NOL12: variants seen among roughly 807,000 people sequenced by gnomAD.
The protein encoded by NOL12 is nucleolar protein 12.
NOL12 carries 21 observed loss-of-function variants against 25.2 expected under a neutral mutation model. The ratio of observed to expected loss-of-function variants is 0.83; its 90% CI spans 0.59 to 1.20. The LOEUF (loss-of-function observed/expected upper bound fraction) is 1.20, where lower values mean the gene tolerates loss of function less well. NOL12 is among the 50% of genes most tolerant of loss of function. The probability of loss-of-function intolerance (pLI) is 0.00; values close to 1 mark genes in which losing one functional copy is unlikely to be tolerated. For missense variants in NOL12, 286 were observed against 287.6 expected, an observed-to-expected ratio of 0.99 and a Z score of 0.04; for synonymous variants, 133 against 113.8, an observed-to-expected ratio of 1.17 and a Z score of -1.08.
intron 5 of NOL12, 39 bp downstream of exon 5, chr22:37,690,833 C>T (rs1296906646): frequency 6.7e-6 from 10 of 1,485,910 alleles, no homozygotes; most frequent in African/African-American, 1.4e-5. Flanking sequence ...CCCACCCCTC[C>T]TGGCTGGCAG....
Position 37,688,936 on chromosome 22 carries a change from A to G in NOL12, c.325A>G (p.Thr109Ala). 6.2e-7 allele frequency: 1 copy of G among 1,613,620 alleles called. No individual in the cohort carries two copies. The highest frequency in any genetic ancestry group is 8.5e-7 in the Non-Finnish European group (1 of 1,179,922). Residue 109 changes from threonine (T) to alanine (A), a missense_variant, in exon 4 of 6, where the codon ACC becomes GCC. Transcript: ENST00000359114. ...CCCCAACCACACAGTCACCGTGACC[A>G]CCATCAGTGACCTGGACCTCTCGGG... ...DHPNHTVTVTTISDLDLSGAR... is the reference protein window; with the variant it reads ...DHPNHTVTVTAISDLDLSGAR...
chr22:37,691,617 C>CACTCATCGGATTTGTGGA lies in NOL12; in HGVS notation c.*288_*289insGGATTTGTGGAACTCATC, dbSNP rs1922069147. ...CTTCCCAAATGTGCACCCCACCTGG[C>CACTCATCGGATTTGTGGA]ACTCATCAGATTTGTGCGCTTGTGA... On this transcript the variant is annotated 3_prime_UTR_variant, in exon 6 of 6. Transcript: ENST00000359114. 2.6e-6 allele frequency: 1 copy of CACTCATCGGATTTGTGGA among 379,022 alleles called. No individual in the cohort carries two copies. The highest frequency in any genetic ancestry group is 4.7e-6 in the Non-Finnish European group (1 of 212,280). The allele number at this position is 379,022 out of a possible 1,614,324, so 23.5% of individuals were successfully genotyped here.
chr22:37,690,039 G>C (rs5756766), intron 4 of NOL12, among the ~76,000 whole-genome samples: 117,179 of 152,192 alleles, frequency 0.77, 45,229 homozygotes, highest in East Asian at 0.84. Flanking sequence ...GGTGTGGTGG[G>C]ACATGCCTGT....
intron 1 of NOL12, 163 bp from the exon 2 acceptor site, chr22:37,687,747 C>G (rs1048732614): frequency 3.3e-5 from 18 of 545,396 alleles, no homozygotes; most frequent in Admixed American, 2.1e-4. Flanking sequence ...CGTGAGCCAC[C>G]ATGCCTGGCC....
rs563004055 is a variant in NOL12, at chr22:37,688,083, A to G, written c.189+68A>G. The G allele has an allele frequency of 4.4e-6, 6 of 1,374,946 alleles. No individual in the cohort carries two copies. The East Asian group carries it at 1.2e-4, about 29-fold the overall frequency. 85.2% of individuals were successfully genotyped at this position (1,374,946 alleles called of 1,614,324 possible). On this transcript the variant is annotated intron_variant, in intron 2 of 5. Transcript: ENST00000359114. ...GCACTTGCAGCCTTGGATTTCCCTA[A>G]TAGAGGCAGCTGCTGGCATGGGGCG...
chr22:37,687,189 C>T, intron 1 of NOL12: 1 of 682,478 alleles, frequency 1.5e-6, no homozygotes, highest in Non-Finnish European at 1.8e-6. Context: ...GGTGGTGGCC[C>T]TGAAAACCCT....
At position 37,691,351 on chromosome 22, in the gene NOL12, C is replaced by T. The variant is rs200623095; in HGVS notation, c.*15C>T. The T allele has an allele frequency of 2.6e-5, 41 of 1,595,632 alleles. No homozygotes were observed. In the African/African-American group the frequency reaches 3.6e-4, roughly 14 times the overall value. Reference sequence around the variant, plus strand: ...GCGGGGAGTGAGACCGAGAACGAAGCGGTGCCCCAGTCTAGGCTGCGGGGA... The same window carrying T: ...GCGGGGAGTGAGACCGAGAACGAAGTGGTGCCCCAGTCTAGGCTGCGGGGA... On this transcript the variant is annotated 3_prime_UTR_variant, in exon 6 of 6. Transcript: ENST00000359114.
chr22:37,687,328 G>T (rs1216289465), intron 1 of NOL12, among the ~76,000 whole-genome samples: 1 of 149,720 alleles, frequency 6.7e-6, no homozygotes, highest in African/African-American at 2.5e-5. Context: ...AGTATTGAGT[G>T]GAAAGAGGCA....
chr22:37,690,257 G>C (rs183208802), intron 4 of NOL12, among the ~76,000 whole-genome samples: 5 of 152,342 alleles, frequency 3.3e-5, no homozygotes, highest in Admixed American at 6.5e-5. Flanking sequence ...TTGAACTCAG[G>C]AGGCGCAGGT....
chr22:37,690,016 A>G (rs1201072372), intron 4 of NOL12, among the ~76,000 whole-genome samples: 1 of 152,260 alleles, frequency 6.6e-6, no homozygotes, highest in Non-Finnish European at 1.5e-5. Context: ...TACTAAAAAT[A>G]CAAAATTAGC....
At position 37,688,855 on chromosome 22, in the gene NOL12, G is replaced by A. The variant is rs1921937984; in HGVS notation, c.244G>A (p.Ala82Thr). The A allele has an allele frequency of 6.2e-7, 1 of 1,614,068 alleles. No homozygotes were observed. Among genetic ancestry groups the A allele is most frequent in the Non-Finnish European group, 8.5e-7 (1 of 1,179,996 alleles). The change falls in exon 4 of 6, where the codon GCA becomes ACA. Residue 82 changes from alanine (A) to threonine (T), a missense_variant. By Grantham distance (58) the Ala-to-Thr change is moderately conservative. Coordinates refer to ENST00000359114, the MANE Select transcript of NOL12 (RefSeq NM_024313.3). ...LAEREEALEEADELDRLVTAK... is the reference protein window; with the variant it reads ...LAEREEALEETDELDRLVTAK... ...GTCTGTGTCCACCCCCACAGAGGAGGCAGATGAGCTGGACCGGTTGGTGAC... is the reference window on the plus strand; with the variant it reads ...GTCTGTGTCCACCCCCACAGAGGAGACAGATGAGCTGGACCGGTTGGTGAC...
At chr22:37,686,535 C>A in intron 1 of NOL12, 60 bp downstream of exon 1, 1 of 1,483,782 alleles carries the variant, frequency 6.7e-7, no homozygotes, top group South Asian at 1.3e-5. Flanking sequence ...AAGGCCAGGT[C>A]TGGGGCCGAG....
At position 37,690,782 on chromosome 22, in the gene NOL12, T is replaced by G; in HGVS notation, c.467T>G (p.Leu156Arg). 1 of 1,613,096 alleles carries G rather than the reference T, an allele frequency of 6.2e-7. No individual in the cohort carries two copies. The highest frequency in any genetic ancestry group is 8.5e-7 in the Non-Finnish European group (1 of 1,179,164). The change falls in exon 5 of 6, where the codon CTG becomes CGG. Residue 156 changes from leucine to arginine, a missense_variant. Coordinates refer to ENST00000359114, the MANE Select transcript of NOL12 (RefSeq NM_024313.3). ...TTGCCCAGGAAGTCCAGAGACCCCC[T>G]GCTCTCTCAGCGGTGAGTCTTGGCC... ...KALPRKSRDP[L>R]LSQRISSLTA...
In NOL12 at chr22:37,687,944, G is replaced by C. The variant is rs376416869; in HGVS notation, c.118G>C (p.Glu40Gln). The C allele has an allele frequency of 6.3e-7, 1 of 1,586,138 alleles. No homozygotes were observed. Among genetic ancestry groups the C allele is most frequent in the African/African-American group, 1.3e-5 (1 of 74,458 alleles). The change falls in exon 2 of 6, where the codon GAG (glutamate) becomes CAG (glutamine). Residue 40 changes from glutamate (E) to glutamine (Q), a missense_variant. Physicochemically the swap from Glu to Gln is conservative, Grantham distance 29 (BLOSUM62 2). Coordinates refer to ENST00000359114, the MANE Select transcript of NOL12 (RefSeq NM_024313.3). Reference sequence around the variant, plus strand: ...GACAGGCTTCCACAAGCGGAAGGTCGAGCGAAAGAAGGCAGCCATTGAGGA... The same window carrying C: ...GACAGGCTTCCACAAGCGGAAGGTCCAGCGAAAGAAGGCAGCCATTGAGGA... ...YLTGFHKRKV[E>Q]RKKAAIEEIK...
Position 37,686,376 on chromosome 22 carries a change from C to T in NOL12, c.-17C>T. On this transcript the variant is annotated 5_prime_UTR_variant, in exon 1 of 6. Transcript: ENST00000359114. ...CGGAAGTGTCTTCAGGGAGAGGAAGCCGGCGGCCTCACTGCTATGGGCCGC... is the reference window on the plus strand; with the variant it reads ...CGGAAGTGTCTTCAGGGAGAGGAAGTCGGCGGCCTCACTGCTATGGGCCGC... The T allele has an allele frequency of 6.3e-7, 1 of 1,584,814 alleles. No homozygotes were observed. The highest frequency in any genetic ancestry group is 8.6e-7 in the Non-Finnish European group (1 of 1,168,806).
In NOL12 at chr22:37,688,019, C is replaced by T. The variant is rs1040974022; in HGVS notation, c.189+4C>T. The T allele has an allele frequency of 1.6e-5, 24 of 1,545,830 alleles. No individual in the cohort carries two copies. Among genetic ancestry groups the T allele is most frequent in the Middle Eastern group, 1.7e-4 (1 of 5,804 alleles). ...GCAGAGGAAGCTTCGGGAGGAGGTA[C>T]GCAGGGGGAAGGTGGGAGGGAGGTC... On this transcript the variant is annotated splice_donor_region_variant and intron_variant, in intron 2 of 5. Transcript: ENST00000359114.
chr22:37,688,481 G>A, intron 3 of NOL12, 121 bp downstream of exon 3: 1 of 1,023,812 alleles, frequency 9.8e-7, no homozygotes, highest in Non-Finnish European at 1.5e-6. Flanking sequence ...GTACCCTGGG[G>A]CCAGGGGTGG....
intron 1 of NOL12, chr22:37,687,020 A>C (rs947576946): frequency 4.1e-5 from 40 of 985,286 alleles, no homozygotes; most frequent in Non-Finnish European, 8.4e-6. Flanking sequence ...TGTGGAGATG[A>C]GAAGGGGCTG....
chr22:37,688,999 C>A lies in NOL12; in HGVS notation c.381+7C>A. On this transcript the variant is annotated splice_region_variant and intron_variant, in intron 4 of 5. Transcript: ENST00000359114. ...CGGGCTGACCCCACCTGAGGTGGGT[C>A]CCAGTCTCAGCCCTGGGAGGAAGGG... is the stretch of plus-strand genomic sequence containing the variant. The A allele has an allele frequency of 6.2e-7, 1 of 1,610,312 alleles. No individual in the cohort carries two copies. Among genetic ancestry groups the A allele is most frequent in the South Asian group, 1.1e-5 (1 of 91,066 alleles).
Sources: gnomAD v4.1 joint callset for allele counts (sites outside exome capture counted in the v4.1 genomes callset) on GRCh38, gnomAD v4.1.1 for gene constraint, MANE v1.5 for transcripts, NCBI Gene and HGNC (gene_info 2026-07-23, HGNC 2026-07-21) for gene names.